PRKD1: variants seen among roughly 807,000 people sequenced by gnomAD.
PRKD1 encodes the protein serine/threonine-protein kinase D1.
A neutral mutation model predicts 95.9 loss-of-function variants in PRKD1; 63 were observed. That is an observed-to-expected ratio of 0.66 (90% CI 0.54 to 0.81). PRKD1 has a LOEUF of 0.81. PRKD1 is among the 30% of genes least tolerant of loss of function. The pLI, the probability that PRKD1 is intolerant of heterozygous loss-of-function variation, is 0.00. For synonymous variants in PRKD1, 425 were observed against 423.1 expected (o/e 1.00, Z -0.05); for missense variants, 1,048 against 1,165.3 (o/e 0.90, Z 1.47).
chr14:29,788,769 TATG>T (rs1373328359), intron 1 of PRKD1, among the ~76,000 whole-genome samples: 1 of 152,160 alleles, frequency 6.6e-6, no homozygotes, highest in African/African-American at 2.4e-5. Flanking sequence ...GCTTCTTTCT[TATG>T]ATATCTAGCC....
intron 1 of PRKD1, among the ~76,000 whole-genome samples, chr14:29,806,867 T>C (rs1042779315): frequency 2.6e-5 from 4 of 152,170 alleles, no homozygotes; most frequent in African/African-American, 9.7e-5. Context: ...ACATTGAACA[T>C]GTTGTGGATT....
At chr14:29,645,464 A>T (rs1382999496) in intron 4 of PRKD1, among the ~76,000 whole-genome samples, 3 of 152,188 alleles carry the variant, frequency 2.0e-5, no homozygotes, top group Non-Finnish European at 4.4e-5. Flanking sequence ...GCAAAAATAG[A>T]TGCAAGCAAA....
At chr14:29,814,367 A>G (rs1272004130) in intron 1 of PRKD1, among the ~76,000 whole-genome samples, 1 of 152,204 alleles carries the variant, frequency 6.6e-6, no homozygotes, top group East Asian at 1.9e-4. Context: ...TCTAACAAAA[A>G]GCACTTAAGA....
chr14:29,695,196 T>A (rs1244071432), intron 2 of PRKD1, among the ~76,000 whole-genome samples: 1 of 143,584 alleles, frequency 7.0e-6, no homozygotes. Context: ...ATCCTGCCAC[T>A]GCACTCCAGC....
chr14:29,636,434 T>C lies in PRKD1; in HGVS notation c.1046A>G (p.Asp349Gly), dbSNP rs1880380788. 1 of 1,614,050 alleles carries C rather than the reference T, an allele frequency of 6.2e-7. No individual in the cohort carries two copies. Among genetic ancestry groups the C allele is most frequent in the African/African-American group, 1.3e-5 (1 of 74,918 alleles). Residue 349 changes from aspartate to glycine, a missense_variant, in exon 7 of 18, where the codon GAT (aspartate) becomes GGT (glycine). By Grantham distance (94) the Asp-to-Gly change is moderately conservative. Coordinates refer to ENST00000331968, the MANE Select transcript of PRKD1 (RefSeq NM_002742.3). ...VVMEEGSDDN[D>G]SERNSGLMDD... ...CATGAGCCCACTGTTCCTTTCACTA[T>C]CATTGTCATCACTCCCTTCTTCCAT...
intron 1 of PRKD1, among the ~76,000 whole-genome samples, chr14:29,814,586 T>C (rs1890618001): frequency 6.6e-6 from 1 of 152,186 alleles, no homozygotes; most frequent in Non-Finnish European, 1.5e-5. Context: ...GTGCTCCAAC[T>C]GCAGTCTGCA....
At chr14:29,766,959 T>C (rs771662692) in intron 1 of PRKD1, among the ~76,000 whole-genome samples, 2 of 152,166 alleles carry the variant, frequency 1.3e-5, no homozygotes, top group African/African-American at 4.8e-5. Context: ...TAGGAATTTG[T>C]TTCTTCTCCC....
chr14:29,616,433 G>A (rs1474421561), intron 13 of PRKD1, among the ~76,000 whole-genome samples: 1 of 129,602 alleles, frequency 7.7e-6, no homozygotes, highest in African/African-American at 2.7e-5. Flanking sequence ...ACATTTTGTT[G>A]TTATCGTTTA....
intron 4 of PRKD1, among the ~76,000 whole-genome samples, chr14:29,659,965 T>A (rs1594404184): frequency 6.6e-6 from 1 of 152,182 alleles, no homozygotes; most frequent in African/African-American, 2.4e-5. Context: ...TTTATCAATC[T>A]TTTTCCTTTG....
Position 29,577,392 on chromosome 14 carries a change from T to A in PRKD1, c.2585A>T (p.His862Leu). 6.2e-7 allele frequency: 1 copy of A among 1,613,824 alleles called. No individual in the cohort carries two copies. Among genetic ancestry groups the A allele is most frequent in the Non-Finnish European group, 8.5e-7 (1 of 1,179,808 alleles). Residue 862 changes from histidine to leucine, a missense_variant, in exon 18 of 18, where the codon CAT becomes CTT. Physicochemically the swap from His to Leu is moderately conservative, Grantham distance 99. Transcript: ENST00000331968. Reference sequence around the variant, plus strand: ...CTCCCACCTCAGGTCATCACTTTCATGGGTGATGTAGCGCTCCCCGATTTT... The same window carrying A: ...CTCCCACCTCAGGTCATCACTTTCAAGGGTGATGTAGCGCTCCCCGATTTT... ...ECKIGERYIT[H>L]ESDDLRWEKY...
intron 1 of PRKD1, among the ~76,000 whole-genome samples, chr14:29,923,368 A>C (rs1443835205): frequency 6.6e-6 from 1 of 152,202 alleles, no homozygotes; most frequent in Non-Finnish European, 1.5e-5. Flanking sequence ...GACCATCATT[A>C]GTTTAAAAGG....
intron 1 of PRKD1, among the ~76,000 whole-genome samples, chr14:29,817,640 A>G (rs567225619): frequency 6.6e-6 from 1 of 152,264 alleles, no homozygotes; most frequent in South Asian, 2.1e-4. Context: ...GAGAATATAG[A>G]GGACAGAGAG....
At chr14:29,652,452 C>G (rs1432552558) in intron 4 of PRKD1, among the ~76,000 whole-genome samples, 3 of 152,106 alleles carry the variant, frequency 2.0e-5, no homozygotes, top group Non-Finnish European at 4.4e-5. Flanking sequence ...TATGATAAGC[C>G]AGACTTGTGG....
intron 16 of PRKD1, among the ~76,000 whole-genome samples, chr14:29,583,395 C>T (rs1377716117): frequency 6.6e-6 from 1 of 152,010 alleles, no homozygotes; most frequent in Non-Finnish European, 1.5e-5. Flanking sequence ...AGTTTGAATA[C>T]CCCCACCTCA....
chr14:29,629,804 A>G (rs1879863324), intron 10 of PRKD1, among the ~76,000 whole-genome samples: 1 of 152,142 alleles, frequency 6.6e-6, no homozygotes, highest in African/African-American at 2.4e-5. Context: ...AGAATTACCA[A>G]TTACCATGTA....
At chr14:29,582,387 C>A (rs867683206) in intron 16 of PRKD1, among the ~76,000 whole-genome samples, 1 of 150,844 alleles carries the variant, frequency 6.6e-6, no homozygotes, top group East Asian at 1.9e-4. Flanking sequence ...TGAATAATTT[C>A]AGAATCCATT....
At position 29,614,237 on chromosome 14, in the gene PRKD1, C is replaced by A. The variant is rs559836102; in HGVS notation, c.1905+9915G>T. ...TACTGTGTTGGTATAAAGTGAATGA[C>A]CCCATTGAATTGGAAATCAATTCTT... On this transcript the variant is annotated intron_variant, in intron 13 of 17. Coordinates refer to ENST00000331968, the MANE Select transcript of PRKD1 (RefSeq NM_002742.3). Among the ~76,000 whole-genome samples the A allele has an allele frequency of 2.0e-5, 3 of 152,218 alleles. No homozygotes were observed. In the East Asian group the frequency reaches 5.8e-4, roughly 29 times the overall value.
At chr14:29,643,732 G>C (rs1476679540) in intron 4 of PRKD1, among the ~76,000 whole-genome samples, 1 of 152,188 alleles carries the variant, frequency 6.6e-6, no homozygotes, top group East Asian at 1.9e-4. Flanking sequence ...AAAACACAGA[G>C]GAAAAGTTGC....
chr14:29,917,706 T>G (rs1234075922), intron 1 of PRKD1, among the ~76,000 whole-genome samples: 1 of 152,176 alleles, frequency 6.6e-6, no homozygotes, highest in African/African-American at 2.4e-5. Flanking sequence ...TCTATTACCT[T>G]GTGAAAAACT....
Sources: gnomAD v4.1 joint callset for allele counts (sites outside exome capture counted in the v4.1 genomes callset) on GRCh38, gnomAD v4.1.1 for gene constraint, MANE v1.5 for transcripts, NCBI Gene and HGNC (gene_info 2026-07-23, HGNC 2026-07-21) for gene names.